The following GABRA5 variants were observed in gnomAD, a reference collection of about 807,000 sequenced individuals.
The protein encoded by GABRA5 is gamma-aminobutyric acid type A receptor subunit alpha5, also known as gamma-aminobutyric acid receptor subunit alpha-5.
In GABRA5, 18 loss-of-function variants were observed where a neutral mutation model predicts 47.3. That is an observed-to-expected ratio of 0.38 (90% CI 0.26 to 0.56). GABRA5 has a LOEUF of 0.56. Ranked by LOEUF, GABRA5 falls within the 20% of genes least tolerant of loss-of-function variation. GABRA5 has a pLI of 0.71. For missense variants in GABRA5, 365 were observed against 599.3 expected (o/e 0.61, Z 4.08); for synonymous variants, 237 against 229.3 (o/e 1.03, Z -0.30).
chr15:26,927,838 T>A (rs905365385), intron 7 of GABRA5, among the ~76,000 whole-genome samples: 1 of 152,246 alleles, frequency 6.6e-6, no homozygotes, highest in African/African-American at 2.4e-5. Flanking sequence ...ATTATTCTAA[T>A]GAGCCACATG....
chr15:26,919,955 T>TAA lies in GABRA5; in HGVS notation c.580+5078_580+5079dup, dbSNP rs113569011. 1.8e-4 allele frequency among the ~76,000 whole-genome samples: 28 copies of TAA among 151,402 alleles called. 1 individual carries two copies. The highest frequency in any genetic ancestry group is 2.6e-4 in the Admixed American group (4 of 15,216). ...CCCTGCTGTCCTGCAAGATTTCTGA[T>TAA]AAAAAAAAATCCATTCATAATCTTA... On this transcript the variant is annotated intron_variant, in intron 7 of 10. Transcript: ENST00000335625.
chr15:26,933,099 T>TA (rs34727225), intron 7 of GABRA5, among the ~76,000 whole-genome samples: 454 of 143,752 alleles, frequency 3.2e-3, no homozygotes, highest in African/African-American at 0.01. Context: ...TCCCGGAACT[T>TA]AAAAAAAAAA....
chr15:26,917,599 C>T (rs913671944), intron 7 of GABRA5, among the ~76,000 whole-genome samples: 1 of 151,854 alleles, frequency 6.6e-6, no homozygotes, highest in Non-Finnish European at 1.5e-5. Flanking sequence ...AGTCTTTGTT[C>T]CTCTTTAGTT....
intron 6 of GABRA5, among the ~76,000 whole-genome samples, chr15:26,896,742 G>A (rs1191298283): frequency 1.3e-5 from 2 of 152,122 alleles, no homozygotes; most frequent in Non-Finnish European, 2.9e-5. Context: ...AAATTGCGTA[G>A]TGATGAGTGT....
At chr15:26,888,800 A>G (rs1214467770) in intron 6 of GABRA5, among the ~76,000 whole-genome samples, 2 of 152,220 alleles carry the variant, frequency 1.3e-5, no homozygotes, top group Non-Finnish European at 2.9e-5. Context: ...GTGAGAACAC[A>G]CAGTGAGGGT....
chr15:26,901,425 CT>C (rs1249918507), intron 6 of GABRA5, among the ~76,000 whole-genome samples: 1 of 152,138 alleles, frequency 6.6e-6, no homozygotes, highest in African/African-American at 2.4e-5. Flanking sequence ...CGTGGAGCAT[CT>C]TTTCATATGC....
At chr15:26,914,169 A>C (rs1893666706) in intron 6 of GABRA5, among the ~76,000 whole-genome samples, 1 of 152,208 alleles carries the variant, frequency 6.6e-6, no homozygotes, top group African/African-American at 2.4e-5. Context: ...GGATTAAAAA[A>C]TAATAATTAG....
chr15:26,888,965 C>T (rs151235090), intron 6 of GABRA5, among the ~76,000 whole-genome samples: 55 of 152,324 alleles, frequency 3.6e-4, no homozygotes, highest in Non-Finnish European at 6.6e-4. Flanking sequence ...AGAACCCGGC[C>T]GCTGCTCCAC....
At chr15:26,934,941 T>C (rs1322796900) in intron 7 of GABRA5, among the ~76,000 whole-genome samples, 1 of 152,222 alleles carries the variant, frequency 6.6e-6, no homozygotes, top group Non-Finnish European at 1.5e-5. Context: ...TTTCAGACCT[T>C]CTTGCCTGGC....
At position 26,883,616 on chromosome 15, in the gene GABRA5, C is replaced by T. The variant is rs1268248616; in HGVS notation, c.497+59C>T. ...GACGGTGCGGGGCAGGCGCGGCTGC[C>T]CATCCTGCCGCAAGAGCTGCGCCGC... On this transcript the variant is annotated intron_variant, in intron 6 of 10. Transcript: ENST00000335625. The surrounding 1 kb of genome is among the most constrained non-coding windows in gnomAD (Gnocchi z 4.8). 4.1e-5 allele frequency: 54 copies of T among 1,330,384 alleles called. No individual in the cohort carries two copies. The highest frequency in any genetic ancestry group is 5.4e-5 in the Non-Finnish European group (53 of 988,736). 82.4% of individuals were successfully genotyped at this position (1,330,384 alleles called of 1,614,324 possible). A position where few individuals can be genotyped will look rare whatever the true frequency, so the allele number is the denominator to read the frequency against.
At chr15:26,930,006 C>CTTTTTTTTTTTTTTTT (rs72082419) in intron 7 of GABRA5, among the ~76,000 whole-genome samples, 17 of 113,378 alleles carry the variant, frequency 1.5e-4, no homozygotes, top group East Asian at 1.2e-3. Flanking sequence ...TCTTCTTCTT[C>CTTTTTTTTTTTTTTTT]TTTTTTTTTT....
intron 6 of GABRA5, among the ~76,000 whole-genome samples, chr15:26,906,290 C>G (rs1893442775): frequency 1.3e-5 from 2 of 152,074 alleles, no homozygotes; most frequent in African/African-American, 4.8e-5. Flanking sequence ...ATGCCTGAAA[C>G]CAAAATTTAA....
At chr15:26,876,374 C>T (rs1892597708) in intron 3 of GABRA5, among the ~76,000 whole-genome samples, 2 of 152,132 alleles carry the variant, frequency 1.3e-5, no homozygotes, top group Admixed American at 1.3e-4. Flanking sequence ...GAAAGGGTGT[C>T]TGGATCGTGC....
chr15:26,937,431 C>A, intron 8 of GABRA5, 103 bp downstream of exon 8: 1 of 1,250,100 alleles, frequency 8.0e-7, no homozygotes, highest in Non-Finnish European at 1.1e-6. Flanking sequence ...ACGTGGGAGG[C>A]CGCACAGCAG....
chr15:26,944,281 T>TTCCATCCCA (rs1894459560), intron 10 of GABRA5, among the ~76,000 whole-genome samples: 1 of 152,238 alleles, frequency 6.6e-6, no homozygotes, highest in South Asian at 2.1e-4. Context: ...GGAGACCTGC[T>TTCCATCCCA]TCCATCCCAT....
intron 10 of GABRA5, 76 bp downstream of exon 10, chr15:26,943,502 A>G: frequency 7.6e-7 from 1 of 1,317,000 alleles, no homozygotes; most frequent in South Asian, 1.3e-5. Flanking sequence ...CAAACATGAG[A>G]CAAGGTGCTG....
At chr15:26,891,684 G>T (rs1401424168) in intron 6 of GABRA5, among the ~76,000 whole-genome samples, 1 of 152,194 alleles carries the variant, frequency 6.6e-6, no homozygotes, top group Non-Finnish European at 1.5e-5. Flanking sequence ...TGGCAGGTCT[G>T]CGCGGCCTTG....
At position 26,883,570 on chromosome 15, in the gene GABRA5, C is replaced by CG; in HGVS notation, c.497+18dup. 1 of 503,534 alleles carries CG rather than the reference C, an allele frequency of 2.0e-6. No homozygotes were observed. The highest frequency in any genetic ancestry group is 3.7e-6 in the Non-Finnish European group (1 of 272,432). The allele number at this position is 503,534 out of a possible 1,614,324, so 31.2% of individuals were successfully genotyped here. A position where few individuals can be genotyped will look rare whatever the true frequency, so the allele number is the denominator to read the frequency against. ...TCTACACCATGCGGTGAGCGCCGGG[C>CG]GGGGGCGGGCGGGGCCGGGGGACGG... On this transcript the variant is annotated intron_variant, in intron 6 of 10. Transcript: ENST00000335625. The surrounding 1 kb of genome is among the most constrained non-coding windows in gnomAD (Gnocchi z 4.8).
chr15:26,903,322 G>A (rs980451179), intron 6 of GABRA5, among the ~76,000 whole-genome samples: 2 of 152,150 alleles, frequency 1.3e-5, no homozygotes, highest in Non-Finnish European at 2.9e-5. Context: ...ATTCCATGGT[G>A]TATATGTACC....
Sources: gnomAD v4.1 joint callset for allele counts (sites outside exome capture counted in the v4.1 genomes callset) on GRCh38, gnomAD v4.1.1 for gene constraint, Gnocchi (gnomAD v3.1) non-coding constraint, MANE v1.5 for transcripts, NCBI Gene and HGNC (gene_info 2026-07-23, HGNC 2026-07-21) for gene names.